Variants in MYBPC1 observed in about 807,000 individuals in gnomAD.
The protein encoded by MYBPC1 is myosin binding protein C1.
In MYBPC1, 52 loss-of-function variants were observed where a neutral mutation model predicts 147.1. The observed-to-expected ratio is 0.35, with a 90% CI of 0.28 to 0.45. The LOEUF is 0.45. Ranked by LOEUF, MYBPC1 falls within the 20% of genes least tolerant of loss-of-function variation. The probability of loss-of-function intolerance (pLI) is 1.00; values close to 1 mark genes in which losing one functional copy is unlikely to be tolerated. For missense variants in MYBPC1, 1,228 were observed against 1,440.3 expected, an observed-to-expected ratio of 0.85 and a Z score of 2.39; for synonymous variants, 477 against 475.9, an observed-to-expected ratio of 1.00 and a Z score of -0.03.
In MYBPC1 at chr12:101,678,315, A is replaced by G. The variant is rs188767195; in HGVS notation, c.3246+77A>G. 23 of 1,579,022 alleles carry G rather than the reference A, an allele frequency of 1.5e-5. No individual in the cohort carries two copies. Among genetic ancestry groups the G allele is most frequent in the African/African-American group, 2.7e-5 (2 of 74,100 alleles). Reference sequence around the variant, plus strand: ...TGTTATAATGTAAGTAACAATGTAAACAAATCCAGCTGCTACTTGTGTCTT... The same window carrying G: ...TGTTATAATGTAAGTAACAATGTAAGCAAATCCAGCTGCTACTTGTGTCTT... On this transcript the variant is annotated intron_variant, in intron 28 of 31. Transcript: ENST00000361466.
the MYBPC1 span, among the ~76,000 whole-genome samples, chr12:101,694,237 TA>T: frequency 2.5e-4 from 38 of 152,304 alleles, no homozygotes; most frequent in African/African-American, 8.4e-4. Context: ...CTATCAGGAG[TA>T]ACCACTATCA....
rs367952786 is a variant in MYBPC1 at position 101,653,261 on chromosome 12, C to T, written c.1767+13C>T. ...CCGGGGAGATAAGGTTTGTTTTATGCTTGCACACACTCACATGCACACACA... is the reference window on the plus strand; with the variant it reads ...CCGGGGAGATAAGGTTTGTTTTATGTTTGCACACACTCACATGCACACACA... On this transcript the variant is annotated intron_variant, in intron 18 of 31. Coordinates refer to ENST00000361466, the MANE Select transcript of MYBPC1 (RefSeq NM_002465.4). 2.5e-6 allele frequency: 4 copies of T among 1,612,900 alleles called. No individual in the cohort carries two copies. The Admixed American group carries it at 6.7e-5, about 27-fold the overall frequency.
chr12:101,626,440 C>A (rs1888637248), intron 3 of MYBPC1, among the ~76,000 whole-genome samples: 1 of 152,116 alleles, frequency 6.6e-6, no homozygotes. Context: ...GAAATGAGTT[C>A]TCAGATAGTA....
At position 101,614,561 on chromosome 12, in the gene MYBPC1, T is replaced by TG. The variant is rs1360477741; in HGVS notation, c.61+33dup. ...GTAAAAACACTCACTCACACACGTT[T>TG]GGGCTGCAAATACAGAGGGTCCATC... On this transcript the variant is annotated intron_variant, in intron 2 of 31. Transcript: ENST00000361466. 14 of 1,611,204 alleles carry TG rather than the reference T, an allele frequency of 8.7e-6. No homozygotes were observed. In the Admixed American group the frequency reaches 2.3e-4, roughly 27 times the overall value.
intron 22 of MYBPC1, among the ~76,000 whole-genome samples, chr12:101,665,884 A>G (rs1005942376): frequency 5.9e-5 from 9 of 152,210 alleles, no homozygotes; most frequent in Admixed American, 4.6e-4. Flanking sequence ...TTTCAAAGAC[A>G]TAAGGAATTT....
intron 3 of MYBPC1, among the ~76,000 whole-genome samples, chr12:101,622,924 C>T (rs78269518): frequency 0.066 from 10,040 of 152,242 alleles, 463 homozygotes; most frequent in Non-Finnish European, 0.099. Flanking sequence ...TCATGATACT[C>T]TGAAGCGCTG....
At chr12:101,648,212 T>C in intron 14 of MYBPC1, 62 bp downstream of exon 14, 2 of 1,184,748 alleles carry the variant, frequency 1.7e-6, no homozygotes, top group East Asian at 4.8e-5. Context: ...CCTTCATAGT[T>C]GATAGAACAG....
chr12:101,673,500 A>G lies in MYBPC1; in HGVS notation c.2687A>G (p.Asn896Ser), dbSNP rs373197498. The G allele has an allele frequency of 1.5e-5, 25 of 1,613,938 alleles. No homozygotes were observed. Among genetic ancestry groups the G allele is most frequent in the Non-Finnish European group, 2.1e-5 (25 of 1,180,004 alleles). Residue 896 changes from asparagine to serine, a missense_variant, in exon 25 of 32, where the codon AAC (asparagine) becomes AGC (serine). Physicochemically the swap from Asn to Ser is conservative, Grantham distance 46. Transcript: ENST00000361466. ...EIDKNQINIR[N>S]SETDTIIFIR... ...GATAAGAATCAAATAAACATTCGCA[A>G]CTCTGAGACTGATACAATCATATTT... is the stretch of plus-strand genomic sequence containing the variant.
intron 25 of MYBPC1, 70 bp downstream of exon 25, chr12:101,673,692 G>T: frequency 1.3e-6 from 2 of 1,523,160 alleles, no homozygotes; most frequent in Admixed American, 1.7e-5. Context: ...TTGTCCCTAA[G>T]GCAAGAGCAG....
At chr12:101,671,310 T>TAC (rs5800480) in intron 24 of MYBPC1, among the ~76,000 whole-genome samples, 211 of 105,440 alleles carry the variant, frequency 2.0e-3, no homozygotes, top group Middle Eastern at 4.6e-3. Context: ...GACACTCATA[T>TAC]ACACACACAC....
chr12:101,688,800 A>C (rs886512541), downstream of MYBPC1, among the ~76,000 whole-genome samples: 6 of 152,010 alleles, frequency 3.9e-5, no homozygotes, highest in African/African-American at 1.5e-4. Context: ...ATCTCTACAA[A>C]AAATTATCCA....
chr12:101,654,395 A>G (rs1028982286), intron 18 of MYBPC1, among the ~76,000 whole-genome samples: 1 of 152,188 alleles, frequency 6.6e-6, no homozygotes, highest in Non-Finnish European at 1.5e-5. Context: ...GACAATGACT[A>G]TGAAATATGA....
In MYBPC1 at chr12:101,677,263, A is replaced by T; in HGVS notation, c.2978A>T (p.His993Leu). The T allele has an allele frequency of 6.2e-7, 1 of 1,613,782 alleles. No individual in the cohort carries two copies. Among genetic ancestry groups the T allele is most frequent in the Non-Finnish European group, 8.5e-7 (1 of 1,179,774 alleles). ...TGGTTTACTGTCATTGAGCATTATC[A>T]TCGAACCAGTGCCACCATTACTGAA... ...MEWFTVIEHYHRTSATITELV... is the reference protein window; with the variant it reads ...MEWFTVIEHYLRTSATITELV... Residue 993 changes from histidine to leucine, a missense_variant, in exon 27 of 32, where the codon CAT becomes CTT. Physicochemically the swap from His to Leu is moderately conservative, Grantham distance 99. This residue lies in a region of MYBPC1 where 1,077 missense variants were observed against 1,314.2 expected (regional missense o/e 0.82). Transcript: ENST00000361466.
chr12:101,614,814 T>A, intron 2 of MYBPC1: 1 of 486,226 alleles, frequency 2.1e-6, no homozygotes, highest in East Asian at 3.9e-5. Context: ...GTCCGCATTT[T>A]ACAGTGTGGA....
intron 3 of MYBPC1, among the ~76,000 whole-genome samples, chr12:101,621,185 C>T (rs145048312): frequency 7.9e-4 from 120 of 152,304 alleles, no homozygotes; most frequent in African/African-American, 2.8e-3. Flanking sequence ...AATCAGCCAT[C>T]TACTAAAATT....
At chr12:101,634,046 G>A (rs879690535) in intron 8 of MYBPC1, among the ~76,000 whole-genome samples, 4 of 152,006 alleles carry the variant, frequency 2.6e-5, no homozygotes, top group African/African-American at 4.8e-5. Context: ...ACAGGCGCCC[G>A]CCACCACGGC....
intron 19 of MYBPC1, among the ~76,000 whole-genome samples, chr12:101,660,791 C>G (rs950021513): frequency 3.0e-4 from 46 of 152,192 alleles, no homozygotes; most frequent in Admixed American, 1.4e-3. Context: ...GCCATGTCTT[C>G]CATGGCAGCA....
At chr12:101,678,515 T>C (rs1335522679) in intron 28 of MYBPC1, among the ~76,000 whole-genome samples, 3 of 152,236 alleles carry the variant, frequency 2.0e-5, no homozygotes, top group Admixed American at 1.3e-4. Flanking sequence ...TATAATAATA[T>C]TGTTTCACTT....
At chr12:101,668,024 T>C (rs892678529) in intron 23 of MYBPC1, 125 bp downstream of exon 23, 5 of 950,834 alleles carry the variant, frequency 5.3e-6, no homozygotes, top group Admixed American at 2.9e-5. Context: ...TGTTAATGCT[T>C]TAATGCTTCC....
Sources: allele counts gnomAD v4.1 joint callset (sites outside exome capture counted in the v4.1 genomes callset), GRCh38; gene constraint gnomAD v4.1.1; regional missense constraint gnomAD v4.1.1; transcripts MANE v1.5; gene names NCBI Gene and HGNC (gene_info 2026-07-23, HGNC 2026-07-21).